Variants in HPSE observed in about 807,000 individuals in gnomAD.
HPSE encodes the protein endo-glucoronidase.
HPSE carries 48 observed loss-of-function variants against 65.1 expected under a neutral mutation model. That is an observed-to-expected ratio of 0.74 (90% CI 0.58 to 0.94). HPSE has a LOEUF of 0.94. Ranked by LOEUF, HPSE falls within the 40% of genes least tolerant of loss-of-function variation. The pLI is 0.00. For missense variants in HPSE, 644 were observed against 637.5 expected, an observed-to-expected ratio of 1.01 and a Z score of -0.11; for synonymous variants, 243 against 260.0, an observed-to-expected ratio of 0.93 and a Z score of 0.63.
At position 83,294,048 on chromosome 4, in the gene HPSE, T is replaced by C. The variant is rs1278639759; in HGVS notation, c.*1296A>G. 6.6e-6 allele frequency: 1 copy of C among 152,192 alleles called. No individual in the cohort carries two copies. Among genetic ancestry groups the C allele is most frequent in the Non-Finnish European group, 1.5e-5 (1 of 68,040 alleles). 9.4% of individuals were successfully genotyped at this position (152,192 alleles called of 1,614,324 possible). A position where few individuals can be genotyped will look rare whatever the true frequency, so the allele number is the denominator to read the frequency against. ...TCGCTTCCTTGCTTCCTGACCATAT[T>C]AGGAGCATTCATATACATTTTTAAT... On this transcript the variant is annotated 3_prime_UTR_variant, in exon 12 of 12. Coordinates refer to ENST00000311412, the MANE Select transcript of HPSE (RefSeq NM_001098540.3).
intron 9 of HPSE, 40 bp from the exon 10 acceptor site, chr4:83,302,308 G>C (rs4285078): frequency 1 from 1,242,597 of 1,248,304 alleles, 618,581 homozygotes; most frequent in East Asian, 1. Flanking sequence ...AAAAATAGAT[G>C]TTTACTTATG....
intron 8 of HPSE, among the ~76,000 whole-genome samples, chr4:83,307,259 C>T (rs766366910): frequency 3.9e-5 from 6 of 152,210 alleles, no homozygotes; most frequent in Non-Finnish European, 7.3e-5. Flanking sequence ...AGACAGCAGG[C>T]AAGGTGAACC....
At chr4:83,331,628 T>C (rs947066862) in intron 1 of HPSE, among the ~76,000 whole-genome samples, 4 of 152,224 alleles carry the variant, frequency 2.6e-5, no homozygotes, top group Admixed American at 2.6e-4. Context: ...GATTGCTCTA[T>C]CATTGGTATT....
chr4:83,322,785 T>TG (rs1736962299), intron 1 of HPSE, among the ~76,000 whole-genome samples: 1 of 78,820 alleles, frequency 1.3e-5, no homozygotes, highest in African/African-American at 4.4e-5. Context: ...TGGCAAGAGC[T>TG]TGTTTGTGTG....
At chr4:83,314,557 G>C (rs1183532934) in intron 3 of HPSE, among the ~76,000 whole-genome samples, 2 of 152,044 alleles carry the variant, frequency 1.3e-5, no homozygotes, top group Non-Finnish European at 2.9e-5. Flanking sequence ...CATAAGTTTG[G>C]GAACTTCTGT....
At chr4:83,312,764 G>A (rs1165042741) in intron 4 of HPSE, among the ~76,000 whole-genome samples, 2 of 144,198 alleles carry the variant, frequency 1.4e-5, no homozygotes, top group South Asian at 2.2e-4. Context: ...TTGGGAGGCC[G>A]AGGAGGGCAG....
rs1221111392 is a variant in HPSE, at chr4:83,313,239, T to C, written c.548A>G (p.Asp183Gly). Residue 183 changes from aspartate (D) to glycine (G), a missense_variant, in exon 4 of 12, where the codon GAC becomes GGC. Asp to Gly is a moderately conservative substitution (Grantham distance 94). Coordinates refer to ENST00000311412, the MANE Select transcript of HPSE (RefSeq NM_001098540.3). ...TAACGCATTTAGGCCAAAGATCAAG[T>C]CCAGTCCTGAGCAGTTTGCAAAAGT... is the stretch of plus-strand genomic sequence containing the variant. ...LYTFANCSGL[D>G]LIFGLNALLR... 2 of 1,613,978 alleles carry C rather than the reference T, an allele frequency of 1.2e-6. No homozygotes were observed. The highest frequency in any genetic ancestry group is 1.7e-5 in the Admixed American group (1 of 60,008).
intron 3 of HPSE, among the ~76,000 whole-genome samples, chr4:83,316,235 C>A (rs553514582): frequency 6.6e-6 from 1 of 151,794 alleles, no homozygotes; most frequent in South Asian, 2.1e-4. Flanking sequence ...CTGTGTTGGC[C>A]AGGCTAGTCT....
At chr4:83,332,939 C>T (rs1737448758) in intron 1 of HPSE, among the ~76,000 whole-genome samples, 1 of 151,980 alleles carries the variant, frequency 6.6e-6, no homozygotes, top group African/African-American at 2.4e-5. Context: ...CACCCCACAC[C>T]CCAGCAAGCT....
At chr4:83,330,368 G>A (rs1396839902) in intron 1 of HPSE, among the ~76,000 whole-genome samples, 2 of 152,210 alleles carry the variant, frequency 1.3e-5, no homozygotes, top group Non-Finnish European at 2.9e-5. Flanking sequence ...AGTGGACAGG[G>A]TTAGTGGGGA....
chr4:83,313,295 A>C lies in HPSE; in HGVS notation c.500-8T>G. 6 of 1,596,416 alleles carry C rather than the reference A, an allele frequency of 3.8e-6. No individual in the cohort carries two copies. Among genetic ancestry groups the C allele is most frequent in the Non-Finnish European group, 4.3e-6 (5 of 1,171,454 alleles). On this transcript the variant is annotated splice_polypyrimidine_tract_variant and splice_region_variant and intron_variant, in intron 3 of 11. Coordinates refer to ENST00000311412, the MANE Select transcript of HPSE (RefSeq NM_001098540.3). ...GCACATCTACAGAGCTTCCTAAAAG[A>C]AAAACGTCACAATTTAATGGTTAGA...
rs1169611558 is a variant in HPSE, at chr4:83,322,215, T to TC, written c.373+3dup. 2 of 1,611,150 alleles carry TC rather than the reference T, an allele frequency of 1.2e-6. No homozygotes were observed. The highest frequency in any genetic ancestry group is 2.7e-5 in the African/African-American group (2 of 74,830). On this transcript the variant is annotated splice_donor_region_variant and intron_variant, in intron 2 of 11. Transcript: ENST00000311412. ...ATATAGAGTGAATCTTTAAAAATTTTCACCCTGGTTGACTTGAGATTGCCA... is the reference window on the plus strand; with the variant it reads ...ATATAGAGTGAATCTTTAAAAATTTTCCACCCTGGTTGACTTGAGATTGCCA...
chr4:83,327,993 A>C (rs1451177091), intron 1 of HPSE, among the ~76,000 whole-genome samples: 1 of 152,238 alleles, frequency 6.6e-6, no homozygotes, highest in Non-Finnish European at 1.5e-5. Flanking sequence ...CCAATGTTTA[A>C]GACAAACTAG....
intron 8 of HPSE, 72 bp from the exon 9 acceptor site, chr4:83,306,389 T>C: frequency 1.4e-6 from 1 of 731,196 alleles, no homozygotes; most frequent in South Asian, 1.6e-5. Flanking sequence ...GCACACCATC[T>C]TGATTTTATT....
rs1349213627 is a variant in HPSE, at chr4:83,300,998, G to A, written c.1434C>T (p.Tyr478=). 3 of 1,609,100 alleles carry A rather than the reference G, an allele frequency of 1.9e-6. No homozygotes were observed. Among genetic ancestry groups the A allele is most frequent in the Non-Finnish European group, 1.7e-6 (2 of 1,176,672 alleles). The part of the protein sequence containing the change: ...YPFSNKQVDK[Y]LLRPLGPHGL... ...CATGAGGTCCCAAAGGTCTTAGAAG[G>A]TATTTATCCACTTGCTTGTTAGAAA... Residue 478 remains tyrosine, a synonymous_variant, in exon 11 of 12, where the codon TAC becomes TAT. Coordinates refer to ENST00000311412, the MANE Select transcript of HPSE (RefSeq NM_001098540.3).
chr4:83,319,438 A>C lies in HPSE; in HGVS notation c.405T>G (p.Asp135Glu), dbSNP rs151317358. Residue 135 changes from aspartate (D) to glutamate (E), a missense_variant, in exon 3 of 12, where the codon GAT (aspartate) becomes GAG (glutamate). Asp to Glu is a conservative substitution (Grantham distance 45). Transcript: ENST00000311412. ...ATTCCAACCGTAACTTCTCCTCCAC[A>C]TCAGGAGGGATGGATCCATATTTGC... ...DICKYGSIPP[D>E]VEEKLRLEWP... 36 of 1,613,628 alleles carry C rather than the reference A, an allele frequency of 2.2e-5. No homozygotes were observed. Among genetic ancestry groups the C allele is most frequent in the Non-Finnish European group, 2.9e-5 (34 of 1,179,746 alleles).
chr4:83,325,327 A>G (rs1737107460), intron 1 of HPSE, among the ~76,000 whole-genome samples: 1 of 151,980 alleles, frequency 6.6e-6, no homozygotes, highest in African/African-American at 2.4e-5. Context: ...CACCATGCCC[A>G]GCTAATTTTT....
chr4:83,318,696 G>A (rs1390078849), intron 3 of HPSE, among the ~76,000 whole-genome samples: 2 of 138,826 alleles, frequency 1.4e-5, no homozygotes, highest in Non-Finnish European at 3.0e-5. Context: ...GGCGACAAGA[G>A]TGAGATTCCA....
chr4:83,322,785 TTGTTTGTG>T lies in HPSE; in HGVS notation c.228-429_228-422del, dbSNP rs1258909339. 6.1e-3 allele frequency among the ~76,000 whole-genome samples: 482 copies of T among 78,838 alleles called. 4 individuals are homozygous for T. Among genetic ancestry groups the T allele is most frequent in the Middle Eastern group, 0.037 (6 of 162 alleles). 51.7% of individuals were successfully genotyped at this position (78,838 alleles called of 152,430 possible). A position where few individuals can be genotyped will look rare whatever the true frequency, so the allele number is the denominator to read the frequency against. On this transcript the variant is annotated intron_variant, in intron 1 of 11. Transcript: ENST00000311412. The stretch of plus-strand genomic sequence containing the variant: ...TTGTAGCTCTAATTCTGGCAAGAGC[TTGTTTGTG>T]TGTGTGTGTGTGTGTGTGTGTGTGT...
Sources: gnomAD v4.1 joint callset for allele counts (sites outside exome capture counted in the v4.1 genomes callset) on GRCh38, gnomAD v4.1.1 for gene constraint, MANE v1.5 for transcripts, NCBI Gene and HGNC (gene_info 2026-07-23, HGNC 2026-07-21) for gene names.